The following RFX4 variants were observed in gnomAD, a reference collection of about 807,000 sequenced individuals.
RFX4 encodes the protein regulatory factor X4.
A neutral mutation model predicts 95.0 loss-of-function variants in RFX4; 10 were observed. The ratio of observed to expected loss-of-function variants is 0.11; its 90% CI spans 0.06 to 0.18. The LOEUF (loss-of-function observed/expected upper bound fraction) is 0.18, where lower values mean the gene tolerates loss of function less well. Ranked by LOEUF, RFX4 falls within the 10% of genes least tolerant of loss-of-function variation. The pLI, the probability that RFX4 is intolerant of heterozygous loss-of-function variation, is 1.00. For synonymous variants in RFX4, 321 were observed against 340.7 expected (o/e 0.94, Z 0.64); for missense variants, 640 against 922.0 (o/e 0.69, Z 3.96).
chr12:106,707,576 A>G (rs2042109452), intron 8 of RFX4, among the ~76,000 whole-genome samples: 1 of 152,152 alleles, frequency 6.6e-6, no homozygotes, highest in Non-Finnish European at 1.5e-5. Context: ...GAATGCTGCC[A>G]AGATGTCAAG....
intron 2 of RFX4, among the ~76,000 whole-genome samples, chr12:106,623,454 C>T (rs1356303261): frequency 1.3e-5 from 2 of 152,156 alleles, no homozygotes; most frequent in African/African-American, 2.4e-5. Context: ...GAGCTCATCA[C>T]CCCTGCTTAG....
At chr12:106,713,052 A>G (rs2042221342) in intron 10 of RFX4, among the ~76,000 whole-genome samples, 1 of 152,222 alleles carries the variant, frequency 6.6e-6, no homozygotes. Context: ...ACAGTATGTA[A>G]TTTAATCAGC....
At chr12:106,747,192 G>C (rs1292050540) in intron 15 of RFX4, among the ~76,000 whole-genome samples, 3 of 152,156 alleles carry the variant, frequency 2.0e-5, no homozygotes, top group African/African-American at 2.4e-5. Flanking sequence ...GAAACAGCAC[G>C]TGCAAAGGCC....
At chr12:106,616,083 T>C (rs1247155175) in intron 2 of RFX4, among the ~76,000 whole-genome samples, 2 of 152,216 alleles carry the variant, frequency 1.3e-5, no homozygotes, top group Non-Finnish European at 2.9e-5. Context: ...TTAGGTGAGA[T>C]GTTTGCTGTG....
chr12:106,585,921 G>C lies in RFX4; in HGVS notation c.43+2558G>C, dbSNP rs1250888960. ...GCCAGGGCTCTAGTGGCCTGCTTTG[G>C]GGCCACTTCAGCATGACCTGCGGAA... On this transcript the variant is annotated intron_variant, in intron 1 of 17. Coordinates refer to ENST00000392842, the MANE Select transcript of RFX4 (RefSeq NM_213594.3). The C allele has an allele frequency of 2.0e-5, 3 of 152,226 alleles. No individual in the cohort carries two copies. In the East Asian group the frequency reaches 5.8e-4, roughly 29 times the overall value. The allele number at this position is 152,226 out of a possible 1,614,324, so 9.4% of individuals were successfully genotyped here. A position where few individuals can be genotyped will look rare whatever the true frequency, so the allele number is the denominator to read the frequency against.
intron 8 of RFX4, among the ~76,000 whole-genome samples, chr12:106,702,290 A>G (rs1294581441): frequency 6.6e-6 from 1 of 152,162 alleles, no homozygotes; most frequent in Non-Finnish European, 1.5e-5. Flanking sequence ...GGGGTAAATA[A>G]TACTTATGCC....
At chr12:106,671,108 C>T (rs922082011) in intron 4 of RFX4, among the ~76,000 whole-genome samples, 8 of 152,134 alleles carry the variant, frequency 5.3e-5, no homozygotes, top group Admixed American at 3.3e-4. Flanking sequence ...AAGTAAGACC[C>T]ACAACTCTCA....
chr12:106,711,430 A>G (rs748121702), intron 9 of RFX4, 23 bp from the exon 10 acceptor site: 13 of 1,608,072 alleles, frequency 8.1e-6, no homozygotes, highest in East Asian at 2.2e-5. Flanking sequence ...AAATATTTCA[A>G]ACTAATTCTT....
intron 1 of RFX4, among the ~76,000 whole-genome samples, chr12:106,607,791 T>G (rs2039869253): frequency 6.6e-6 from 1 of 151,910 alleles, no homozygotes; most frequent in Non-Finnish European, 1.5e-5. Flanking sequence ...GAATGAATGG[T>G]GGGTGGTCTA....
In RFX4 at chr12:106,720,206, C is replaced by G. The variant is rs980761673; in HGVS notation, c.1233+152C>G. On this transcript the variant is annotated intron_variant, in intron 12 of 17. Coordinates refer to ENST00000392842, the MANE Select transcript of RFX4 (RefSeq NM_213594.3). The surrounding 1 kb of genome is among the most constrained non-coding windows in gnomAD (Gnocchi z 4.2). Reference sequence around the variant, plus strand: ...GGTGGAGGGGTCAGGAGGCAGGACTCTTGAGTCTTCCATCCCTGATTCAAC... The same window carrying G: ...GGTGGAGGGGTCAGGAGGCAGGACTGTTGAGTCTTCCATCCCTGATTCAAC... The G allele has an allele frequency of 6.2e-6, 4 of 643,878 alleles. No individual in the cohort carries two copies. The highest frequency in any genetic ancestry group is 2.8e-5 in the Admixed American group (1 of 35,706). The allele number at this position is 643,878 out of a possible 1,614,324, so 39.9% of individuals were successfully genotyped here. A position where few individuals can be genotyped will look rare whatever the true frequency, so the allele number is the denominator to read the frequency against.
At chr12:106,674,442 T>G (rs1324363057) in intron 4 of RFX4, among the ~76,000 whole-genome samples, 1 of 152,022 alleles carries the variant, frequency 6.6e-6, no homozygotes, top group African/African-American at 2.4e-5. Context: ...GCAATTCTCC[T>G]GCCTCAGCCT....
intron 1 of RFX4, among the ~76,000 whole-genome samples, chr12:106,588,332 A>T (rs1490609501): frequency 6.6e-6 from 1 of 152,166 alleles, no homozygotes; most frequent in Admixed American, 6.5e-5. Flanking sequence ...AAAAGACACT[A>T]GACTTTATGG....
rs765040568 is a variant in RFX4 at position 106,656,314 on chromosome 12, T to C, written c.315+1963T>C. ...ACATTTCAAATACTCAAGAGCCACATGTGACTAGAAGCTACCATATTGGGC... is the reference window on the plus strand; with the variant it reads ...ACATTTCAAATACTCAAGAGCCACACGTGACTAGAAGCTACCATATTGGGC... On this transcript the variant is annotated intron_variant, in intron 4 of 17. Coordinates refer to ENST00000392842, the MANE Select transcript of RFX4 (RefSeq NM_213594.3). 1.2e-3 allele frequency among the ~76,000 whole-genome samples: 185 copies of C among 152,326 alleles called. 1 individual carries two copies. The highest frequency in any genetic ancestry group is 4.9e-4 in the Non-Finnish European group (33 of 68,026).
At chr12:106,631,343 G>A (rs1446230841) in intron 2 of RFX4, among the ~76,000 whole-genome samples, 1 of 152,208 alleles carries the variant, frequency 6.6e-6, no homozygotes, top group Non-Finnish European at 1.5e-5. Context: ...ACATGTGGGT[G>A]CTGGAGACAA....
chr12:106,733,784 G>A (rs989539344), intron 15 of RFX4, among the ~76,000 whole-genome samples: 1 of 152,164 alleles, frequency 6.6e-6, no homozygotes, highest in Non-Finnish European at 1.5e-5. Flanking sequence ...ATGCACAGGA[G>A]TCTCATAAGA....
chr12:106,612,735 G>C (rs1258806598), intron 2 of RFX4, among the ~76,000 whole-genome samples: 1 of 152,112 alleles, frequency 6.6e-6, no homozygotes, highest in Non-Finnish European at 1.5e-5. Context: ...CTACTTGGGA[G>C]GCTGAGGCAC....
chr12:106,637,829 G>A (rs995393350), intron 2 of RFX4, among the ~76,000 whole-genome samples: 1 of 152,076 alleles, frequency 6.6e-6, no homozygotes, highest in Non-Finnish European at 1.5e-5. Flanking sequence ...AATCTGGCCC[G>A]ATACTTGTAG....
At chr12:106,728,509 A>G (rs142529438) in intron 13 of RFX4, among the ~76,000 whole-genome samples, 2 of 152,270 alleles carry the variant, frequency 1.3e-5, no homozygotes, top group Non-Finnish European at 2.9e-5. Context: ...TCTGCAAGAT[A>G]GAGCTTACAA....
intron 8 of RFX4, among the ~76,000 whole-genome samples, chr12:106,700,563 C>T (rs1006518815): frequency 3.3e-5 from 5 of 151,212 alleles, no homozygotes; most frequent in Admixed American, 6.6e-5. Context: ...CCAGCTACCA[C>T]GCCCGGCTAA....
Sources: allele counts gnomAD v4.1 joint callset (sites outside exome capture counted in the v4.1 genomes callset), GRCh38; gene constraint gnomAD v4.1.1; non-coding constraint Gnocchi (gnomAD v3.1); transcripts MANE v1.5; gene names NCBI Gene and HGNC (gene_info 2026-07-23, HGNC 2026-07-21).